Variants in KCNMA1 observed in about 807,000 individuals in gnomAD.
KCNMA1 encodes Calcium-activated potassium channel subunit alpha-1.
In KCNMA1, 29 loss-of-function variants were observed where a neutral mutation model predicts 140.0. The ratio of observed to expected loss-of-function variants is 0.21; its 90% confidence interval spans 0.15 to 0.28. The LOEUF (loss-of-function observed/expected upper bound fraction) is 0.28, where lower values mean the gene tolerates loss of function less well. Among genes scored for constraint, KCNMA1 ranks in the 10% least tolerant of loss-of-function variants. The probability of loss-of-function intolerance (pLI) is 1.00; values close to 1 mark genes in which losing one functional copy is unlikely to be tolerated. For synonymous variants in KCNMA1, 612 were observed against 611.9 expected (o/e 1.00, Z 0.00); for missense variants, 880 against 1,602.2 (o/e 0.55, Z 7.70).
intron 3 of KCNMA1, among the ~76,000 whole-genome samples, chr10:77,219,675 AG>A (rs1181504573): frequency 6.6e-6 from 1 of 152,174 alleles, no homozygotes; most frequent in African/African-American, 2.4e-5. Context: ...GCTGGAGTGC[AG>A]TGGCGCGATC....
At chr10:76,903,632 C>T (rs1341916502) in intron 25 of KCNMA1, 1 of 152,180 alleles carries the variant, frequency 6.6e-6, no homozygotes, top group Non-Finnish European at 1.5e-5. Context: ...GAAATGGAGG[C>T]TCTTGAGTGG....
intron 3 of KCNMA1, chr10:77,250,966 T>G (rs1054121144): frequency 1.8e-6 from 1 of 550,908 alleles, no homozygotes; most frequent in African/African-American, 1.9e-5. Context: ...GCAAGAAGAC[T>G]TGACCTCATA....
intron 1 of KCNMA1, among the ~76,000 whole-genome samples, chr10:77,487,678 A>C (rs1603628774): frequency 1.3e-5 from 2 of 152,220 alleles, no homozygotes; most frequent in African/African-American, 2.4e-5. Flanking sequence ...AATTTCGTGC[A>C]TGGGACAGAG....
intron 3 of KCNMA1, among the ~76,000 whole-genome samples, chr10:77,225,941 A>G (rs2154195754): frequency 6.6e-6 from 1 of 152,294 alleles, no homozygotes; most frequent in East Asian, 1.9e-4. Flanking sequence ...ATCCAAGCTT[A>G]GGAGGCATCT....
chr10:77,606,301 G>GCCCAGA (rs1291900955), intron 1 of KCNMA1, among the ~76,000 whole-genome samples: 4 of 152,304 alleles, frequency 2.6e-5, no homozygotes, highest in Admixed American at 6.5e-5. Context: ...CCAGAGAAAT[G>GCCCAGA]CCCAGACCCA....
intron 1 of KCNMA1, among the ~76,000 whole-genome samples, chr10:77,589,203 A>G (rs1286251772): frequency 6.6e-6 from 1 of 152,226 alleles, no homozygotes; most frequent in Non-Finnish European, 1.5e-5. Context: ...TGTGTTATAA[A>G]TAAAACGACT....
chr10:77,087,353 A>G (rs74140281), intron 10 of KCNMA1, among the ~76,000 whole-genome samples: 3,134 of 152,300 alleles, frequency 0.021, 103 homozygotes, highest in African/African-American at 0.071. Context: ...GTATCAATAT[A>G]TAGATACCGA....
At chr10:77,083,107 C>T (rs1233247092) in intron 12 of KCNMA1, among the ~76,000 whole-genome samples, 2 of 152,070 alleles carry the variant, frequency 1.3e-5, no homozygotes, top group Non-Finnish European at 2.9e-5. Flanking sequence ...ACCTTCGGCC[C>T]GAAAGATGGC....
At chr10:77,081,196 G>C (rs191728162) in intron 12 of KCNMA1, among the ~76,000 whole-genome samples, 7 of 152,202 alleles carry the variant, frequency 4.6e-5, no homozygotes, top group Admixed American at 4.6e-4. Context: ...TGAACTGCGC[G>C]ACCTTTAGGA....
At chr10:77,573,410 T>C (rs1055559359) in intron 1 of KCNMA1, among the ~76,000 whole-genome samples, 8 of 152,128 alleles carry the variant, frequency 5.3e-5, no homozygotes, top group Non-Finnish European at 1.2e-4. Flanking sequence ...AGGGGCAGGC[T>C]GGGCAGGGGT....
At chr10:77,486,434 A>G (rs1210411677) in intron 1 of KCNMA1, among the ~76,000 whole-genome samples, 1 of 152,138 alleles carries the variant, frequency 6.6e-6, no homozygotes, top group Non-Finnish European at 1.5e-5. Flanking sequence ...AGCCAATTAT[A>G]CCCCACTTTC....
At chr10:76,999,868 A>G (rs550950102) in intron 19 of KCNMA1, among the ~76,000 whole-genome samples, 3 of 152,236 alleles carry the variant, frequency 2.0e-5, no homozygotes, top group Admixed American at 6.5e-5. Context: ...AGTTTTCCAA[A>G]TGCCTCTAAT....
intron 5 of KCNMA1, among the ~76,000 whole-genome samples, chr10:77,146,911 C>T (rs1301162791): frequency 6.6e-6 from 1 of 151,966 alleles, no homozygotes; most frequent in African/African-American, 2.4e-5. Flanking sequence ...TGGATTGGTC[C>T]CCATTGAAAT....
intron 2 of KCNMA1, among the ~76,000 whole-genome samples, chr10:77,356,418 G>A (rs2093483333): frequency 6.6e-6 from 1 of 152,202 alleles, no homozygotes; most frequent in Non-Finnish European, 1.5e-5. Flanking sequence ...AATTAAGCCT[G>A]GAGGATAGAA....
In KCNMA1 at chr10:77,456,192, T is replaced by A. The variant is rs2097760366; in HGVS notation, c.379-52169A>T. Among the ~76,000 whole-genome samples, 3 of 152,252 alleles carry A rather than the reference T, an allele frequency of 2.0e-5. No homozygotes were observed. In the South Asian group the frequency reaches 6.2e-4, roughly 32 times the overall value. On this transcript the variant is annotated intron_variant, in intron 1 of 27. Coordinates refer to ENST00000286628, the MANE Select transcript of KCNMA1 (RefSeq NM_001161352.2). ...GTCAAAGACTGTGAGGCAGGATTCG[T>A]CTTTGGCCACATAGGCATGGATTCT...
intron 20 of KCNMA1, among the ~76,000 whole-genome samples, chr10:76,958,990 A>G (rs985673143): frequency 1.3e-4 from 20 of 151,866 alleles, no homozygotes; most frequent in Admixed American, 2.0e-4. Context: ...TAAGGGGGGG[A>G]AAAAAGCATC....
At position 77,205,282 on chromosome 10, in the gene KCNMA1, C is replaced by A. The variant is rs146907195; in HGVS notation, c.603-20366G>T. ...CAGGAAGCTGGACCTAAACTTGACA[C>A]GAAGCATACTAGGAGCAAAGCTAAA... On this transcript the variant is annotated intron_variant, in intron 3 of 27. Transcript: ENST00000286628. Among the ~76,000 whole-genome samples, 184 of 152,214 alleles carry A rather than the reference C, an allele frequency of 1.2e-3. 2 individuals are homozygous for A. Among genetic ancestry groups the A allele is most frequent in the African/African-American group, 4.1e-3 (169 of 41,528 alleles).
At chr10:77,455,300 T>C (rs1275306382) in intron 1 of KCNMA1, among the ~76,000 whole-genome samples, 1 of 152,058 alleles carries the variant, frequency 6.6e-6, no homozygotes, top group East Asian at 1.9e-4. Flanking sequence ...CAGGGTCAAA[T>C]AATTAATGGA....
At chr10:77,101,186 C>T (rs574372459) in intron 9 of KCNMA1, among the ~76,000 whole-genome samples, 6 of 152,262 alleles carry the variant, frequency 3.9e-5, no homozygotes, top group African/African-American at 1.4e-4. Context: ...ACCAAGACCC[C>T]TCTCATCAGG....
Sources: allele counts gnomAD v4.1 joint callset (sites outside exome capture counted in the v4.1 genomes callset), GRCh38; gene constraint gnomAD v4.1.1; transcripts MANE v1.5; gene names NCBI Gene and HGNC (gene_info 2026-07-23, HGNC 2026-07-21).